SNX25: variants seen among roughly 807,000 people sequenced by gnomAD.
SNX25 encodes the protein sorting nexin 25, also known as sorting nexin-25.
In SNX25, 62 loss-of-function variants were observed where a neutral mutation model predicts 113.7. The ratio of observed to expected loss-of-function variants is 0.55; its 90% CI spans 0.44 to 0.67. SNX25 has a LOEUF of 0.67. SNX25 is among the 30% of genes least tolerant of loss of function. The pLI is 0.00. For synonymous variants in SNX25, 421 were observed against 436.2 expected (o/e 0.97, Z 0.43); for missense variants, 1,014 against 1,161.0 (o/e 0.87, Z 1.84).
chr4:185,207,440 A>C (rs550772497), upstream of SNX25, among the ~76,000 whole-genome samples: 1 of 151,486 alleles, frequency 6.6e-6, no homozygotes, highest in East Asian at 1.9e-4. Flanking sequence ...CTGGTCTCAA[A>C]CTCCTGAGCT....
chr4:185,319,752 T>C (rs1304000289), intron 7 of SNX25, among the ~76,000 whole-genome samples: 1 of 152,208 alleles, frequency 6.6e-6, no homozygotes, highest in Non-Finnish European at 1.5e-5. Flanking sequence ...AATTGGTATT[T>C]TTTCAGTATG....
chr4:185,265,377 T>A (rs1253612493), intron 4 of SNX25, among the ~76,000 whole-genome samples: 1 of 152,218 alleles, frequency 6.6e-6, no homozygotes, highest in Non-Finnish European at 1.5e-5. Flanking sequence ...CATATTACTG[T>A]ACTGAATACT....
At chr4:185,346,756 A>G in intron 13 of SNX25, 106 bp downstream of exon 13, 2 of 659,120 alleles carry the variant, frequency 3.0e-6, no homozygotes, top group South Asian at 2.2e-5. Flanking sequence ...CTCACAAGCC[A>G]TGCTAGATGC....
At chr4:185,292,484 C>T (rs906154418) in intron 6 of SNX25, among the ~76,000 whole-genome samples, 1 of 152,066 alleles carries the variant, frequency 6.6e-6, no homozygotes, top group Admixed American at 6.5e-5. Context: ...CTGCAACTTC[C>T]GCCTCCCAAA....
intron 1 of SNX25, among the ~76,000 whole-genome samples, chr4:185,240,472 G>A (rs1448132938): frequency 6.6e-6 from 1 of 150,626 alleles, no homozygotes; most frequent in Non-Finnish European, 1.5e-5. Context: ...AGGGGCGGCC[G>A]GGCAGAGGCG....
intron 1 of SNX25, among the ~76,000 whole-genome samples, chr4:185,221,162 A>G (rs1739781163): frequency 6.6e-6 from 1 of 151,626 alleles, no homozygotes. Flanking sequence ...CCTCCCAAGT[A>G]GCTGGGTCTA....
Position 185,363,623 on chromosome 4 carries a change from G to A in SNX25, c.*158G>A. 3.4e-6 allele frequency: 2 copies of A among 593,616 alleles called. No individual in the cohort carries two copies. Among genetic ancestry groups the A allele is most frequent in the African/African-American group, 1.8e-5 (1 of 54,146 alleles). The allele number at this position is 593,616 out of a possible 1,614,324, so 36.8% of individuals were successfully genotyped here. A position where few individuals can be genotyped will look rare whatever the true frequency, so the allele number is the denominator to read the frequency against. ...AAATTAGTAGAATCAGGGAGGACGG[G>A]ACTTATGCTGTGGTAGGCAACAGAA... On this transcript the variant is annotated 3_prime_UTR_variant, in exon 19 of 19. Transcript: ENST00000652585. This position sits in a 1 kb window ranked among gnomAD's most constrained non-coding sequence, Gnocchi z 4.2.
At chr4:185,228,312 A>G (rs1330553997) in intron 1 of SNX25, among the ~76,000 whole-genome samples, 3 of 151,946 alleles carry the variant, frequency 2.0e-5, no homozygotes, top group Non-Finnish European at 4.4e-5. Context: ...TCAGAGATAG[A>G]TTGTAATTGA....
intron 5 of SNX25, among the ~76,000 whole-genome samples, chr4:185,268,983 T>C (rs1203923920): frequency 6.6e-6 from 1 of 152,242 alleles, no homozygotes; most frequent in Non-Finnish European, 1.5e-5. Context: ...TTAATGTTTC[T>C]CTTGCCATGC....
At chr4:185,367,908 G>A (rs370994292), downstream of SNX25, among the ~76,000 whole-genome samples, 7 of 152,084 alleles carry the variant, frequency 4.6e-5, no homozygotes, top group Non-Finnish European at 8.8e-5. Flanking sequence ...GGCCGGGCGC[G>A]GTAGCTCACA....
In SNX25 at chr4:185,351,325, G is replaced by A. The variant is rs74753362; in HGVS notation, c.2302-120G>A. 847 of 1,015,518 alleles carry A rather than the reference G, an allele frequency of 8.3e-4. 7 individuals are homozygous for A. The African/African-American group carries it at 0.012, about 14-fold the overall frequency. 62.9% of individuals were successfully genotyped at this position (1,015,518 alleles called of 1,614,324 possible). On this transcript the variant is annotated intron_variant, in intron 13 of 18. Coordinates refer to ENST00000652585, the MANE Select transcript of SNX25 (RefSeq NM_001378034.2). ...TCAGGGGGAAAGGGAAGTGGTTTTC[G>A]GTTCAGAAGTCTGATGAAAGTAAAT...
chr4:185,374,561 G>C, downstream of SNX25: 1 of 1,243,652 alleles, frequency 8.0e-7, no homozygotes, highest in Non-Finnish European at 1.1e-6. Flanking sequence ...CCTCTGACAC[G>C]ATGTATAATA....
intron 6 of SNX25, among the ~76,000 whole-genome samples, chr4:185,293,325 C>G (rs1385619415): frequency 6.6e-6 from 1 of 152,198 alleles, no homozygotes; most frequent in Admixed American, 6.5e-5. Context: ...CCACAAAAAA[C>G]TTGAATGTTT....
intron 5 of SNX25, among the ~76,000 whole-genome samples, chr4:185,284,174 T>C (rs1268482018): frequency 6.6e-6 from 1 of 152,216 alleles, no homozygotes; most frequent in Non-Finnish European, 1.5e-5. Flanking sequence ...AAAAGTAGCA[T>C]ATCTTTATTA....
upstream of SNX25, among the ~76,000 whole-genome samples, chr4:185,207,341 C>T (rs947551769): frequency 3.3e-5 from 5 of 151,592 alleles, no homozygotes; most frequent in African/African-American, 7.3e-5. Context: ...CTCAGCCTCC[C>T]GAGTAGCTGG....
intron 15 of SNX25, among the ~76,000 whole-genome samples, chr4:185,357,064 G>T (rs546565674): frequency 6.6e-6 from 1 of 152,276 alleles, no homozygotes; most frequent in Admixed American, 6.5e-5. Flanking sequence ...GGAAATTGGG[G>T]TTCAGAGAAG....
intron 12 of SNX25, among the ~76,000 whole-genome samples, chr4:185,345,781 C>A (rs1290089429): frequency 6.6e-6 from 1 of 151,294 alleles, no homozygotes; most frequent in African/African-American, 2.4e-5. Flanking sequence ...CAGACTGAGA[C>A]CCTGTTTCAA....
intron 4 of SNX25, among the ~76,000 whole-genome samples, chr4:185,265,049 C>T (rs544847790): frequency 6.6e-6 from 1 of 151,330 alleles, no homozygotes; most frequent in Admixed American, 6.6e-5. Context: ...CCAGGCAAGT[C>T]TTGAACTCCT....
intron 2 of SNX25, among the ~76,000 whole-genome samples, chr4:185,256,000 A>G (rs188734206): frequency 6.6e-6 from 1 of 152,350 alleles, no homozygotes; most frequent in African/African-American, 2.4e-5. Context: ...TCTAGAAAAC[A>G]TAACAACCAT....
Sources: allele counts gnomAD v4.1 joint callset (sites outside exome capture counted in the v4.1 genomes callset), GRCh38; gene constraint gnomAD v4.1.1; non-coding constraint Gnocchi (gnomAD v3.1); transcripts MANE v1.5; gene names NCBI Gene and HGNC (gene_info 2026-07-23, HGNC 2026-07-21).